MIAT: variants seen among roughly 807,000 people sequenced by gnomAD.
MIAT encodes the protein myocardial infarction associated transcript.
intron 2 of MIAT, among the ~76,000 whole-genome samples, chr22:26,655,673 C>T (rs1185270486): frequency 2.0e-5 from 3 of 152,128 alleles, no homozygotes; most frequent in African/African-American, 2.4e-5. Context: ...AATGTAAACC[C>T]GGAATAGTCT....
chr22:26,649,949 C>T (rs1013627285), intron 2 of MIAT, among the ~76,000 whole-genome samples: 1 of 152,180 alleles, frequency 6.6e-6, no homozygotes, highest in Non-Finnish European at 1.5e-5. Flanking sequence ...ACGACATCCT[C>T]GACCTGGGGT....
chr22:26,647,119 C>T (rs750520049), intron 1 of MIAT: 70 of 398,450 alleles, frequency 1.8e-4, no homozygotes, highest in Non-Finnish European at 2.6e-4. Flanking sequence ...TGTATTGAAA[C>T]GGAGACCTCA....
intron 2 of MIAT, among the ~76,000 whole-genome samples, chr22:26,649,738 C>A (rs948564467): frequency 6.6e-6 from 1 of 152,192 alleles, no homozygotes; most frequent in African/African-American, 2.4e-5. Flanking sequence ...CATGGTGAAA[C>A]CCCGTCTCTA....
At chr22:26,674,188 A>G (rs1931175085), downstream of MIAT, 1 of 398,516 alleles carries the variant, frequency 2.5e-6, no homozygotes, top group Non-Finnish European at 4.4e-6. Flanking sequence ...AGTATAAATT[A>G]TCTGAGCTTC....
downstream of MIAT, chr22:26,672,330 C>G (rs1473646690): frequency 2.5e-6 from 1 of 399,094 alleles, no homozygotes; most frequent in Non-Finnish European, 4.4e-6. Context: ...TCCCACTTTG[C>G]TGCCCCATAT....
intron 2 of MIAT, among the ~76,000 whole-genome samples, chr22:26,647,563 G>T (rs953945636): frequency 6.6e-6 from 1 of 152,180 alleles, no homozygotes; most frequent in African/African-American, 2.4e-5. Context: ...GCTGCTCCTG[G>T]AAGTGTGTGC....
chr22:26,664,572 T>C (rs36053931), intron 3 of MIAT, among the ~76,000 whole-genome samples: 27,416 of 152,216 alleles, frequency 0.18, 2,879 homozygotes, highest in Non-Finnish European at 0.23. Flanking sequence ...ATTTTCCTTT[T>C]CTGGATATTT....
At chr22:26,659,688 A>C (rs1930588050) in intron 2 of MIAT, among the ~76,000 whole-genome samples, 1 of 151,974 alleles carries the variant, frequency 6.6e-6, no homozygotes, top group African/African-American at 2.4e-5. Flanking sequence ...TAAATAAGTA[A>C]AAATAAATGA....
chr22:26,668,952 G>C (rs1202974757), exon 6 of MIAT: 1 of 398,592 alleles, frequency 2.5e-6, no homozygotes, highest in Non-Finnish European at 4.4e-6. Context: ...GAAAGAGACA[G>C]GTGGCCCTGG....
At chr22:26,663,239 C>CTAT (rs1177337228) in intron 2 of MIAT, 1 of 398,072 alleles carries the variant, frequency 2.5e-6, no homozygotes, top group African/African-American at 2.1e-5. Context: ...GAAACAGGAC[C>CTAT]TTAGCATCTA....
At chr22:26,660,900 T>C (rs892688784) in intron 2 of MIAT, 3 of 152,178 alleles carry the variant, frequency 2.0e-5, no homozygotes, top group African/African-American at 7.2e-5. Context: ...TCCTCATCTA[T>C]AAAGTGGCAA....
At chr22:26,661,917 C>CAG (rs1930679508) in intron 2 of MIAT, among the ~76,000 whole-genome samples, 1 of 80,574 alleles carries the variant, frequency 1.2e-5, no homozygotes, top group Non-Finnish European at 2.7e-5. Flanking sequence ...TATATAGATC[C>CAG]ATATATATAT....
At chr22:26,671,696 T>A (rs1602373223), downstream of MIAT, 1 of 398,504 alleles carries the variant, frequency 2.5e-6, no homozygotes, top group African/African-American at 2.1e-5. Context: ...CCACTTCCTG[T>A]TGAGTGAGTT....
At chr22:26,667,424 G>A (rs1930892831) in intron 5 of MIAT, 8 of 367,674 alleles carry the variant, frequency 2.2e-5, no homozygotes, top group Non-Finnish European at 2.4e-5. Flanking sequence ...GTATGTGTGT[G>A]TATGCGCGCG....
Position 26,669,430 on chromosome 22 carries a change from G to T in MIAT, n.3535G>T. ...CACCTTCTCACTATGTCCTCACATG[G>T]CCTTTTCTCTGTGGAGAGGGACAGA... On this transcript the variant is annotated non_coding_transcript_exon_variant, in exon 6 of 6. Transcript: ENST00000643270. 3 of 398,620 alleles carry T rather than the reference G, an allele frequency of 7.5e-6. No homozygotes were observed. The East Asian group carries it at 1.1e-4, about 14-fold the overall frequency. The allele number at this position is 398,620 out of a possible 1,614,324, so 24.7% of individuals were successfully genotyped here. A position where few individuals can be genotyped will look rare whatever the true frequency, so the allele number is the denominator to read the frequency against.
downstream of MIAT, chr22:26,673,029 A>G (rs1373233045): frequency 5.0e-6 from 2 of 398,460 alleles, no homozygotes; most frequent in East Asian, 3.6e-5. Flanking sequence ...CTTGGGAAAG[A>G]TCCGTCCCAT....
At chr22:26,666,673 C>T (rs1047685306) in exon 4 of MIAT, 45 of 398,536 alleles carry the variant, frequency 1.1e-4, no homozygotes, top group Admixed American at 8.8e-4. Flanking sequence ...GGGAACCCTT[C>T]TCCCCTCACC....
chr22:26,669,728 A>C, downstream of MIAT: 1 of 399,290 alleles, frequency 2.5e-6, no homozygotes, highest in East Asian at 3.6e-5. Context: ...GGAGGAGCAG[A>C]GAGGTATGGG....
At chr22:26,671,753 G>T (rs1474334534), downstream of MIAT, 1 of 398,348 alleles carries the variant, frequency 2.5e-6, no homozygotes, top group Admixed American at 4.4e-5. Context: ...CTCAGTGGTA[G>T]AATGCGAGTT....
Sources: gnomAD v4.1 joint callset for allele counts (sites outside exome capture counted in the v4.1 genomes callset) on GRCh38, gnomAD v4.1.1 for gene constraint, MANE v1.5 for transcripts, NCBI Gene and HGNC (gene_info 2026-07-23, HGNC 2026-07-21) for gene names.